DMD: variants seen among roughly 807,000 people sequenced by gnomAD.
DMD encodes the protein dystrophin, also known as mutant dystrophin.
A neutral mutation model predicts 330.1 loss-of-function variants in DMD; 63 were observed. The observed-to-expected ratio is 0.19, with a 90% CI of 0.16 to 0.24. The LOEUF is 0.24. Among genes scored for constraint, DMD ranks in the 10% least tolerant of loss-of-function variants. The pLI, the probability that DMD is intolerant of heterozygous loss-of-function variation, is 1.00. For synonymous variants in DMD, 1,223 were observed against 959.8 expected, an observed-to-expected ratio of 1.27 and a Z score of -5.07; for missense variants, 3,344 against 2,684.1, an observed-to-expected ratio of 1.25 and a Z score of -5.43.
intron 24 of DMD, among the ~76,000 whole-genome samples, 155 bp downstream of exon 24, chrX:32,464,431 C>A (rs186698757): frequency 4.7e-4 from 52 of 110,454 alleles, no homozygotes; most frequent in African/African-American, 1.5e-3. Context: ...CCACCACCCC[C>A]AACCCAGCTG....
chrX:32,394,903 A>C (rs1249280584), intron 30 of DMD, among the ~76,000 whole-genome samples: 4 of 36,572 alleles, frequency 1.1e-4, no homozygotes, highest in Non-Finnish European at 2.0e-4. Flanking sequence ...AAGAAGAGCA[A>C]AAAACAAAAA....
At chrX:32,768,658 C>T (rs190601898) in intron 7 of DMD, among the ~76,000 whole-genome samples, 7 of 111,256 alleles carry the variant, frequency 6.3e-5, no homozygotes, top group Admixed American at 3.8e-4. Flanking sequence ...AATTATAATC[C>T]CACTGGGACC....
intron 43 of DMD, among the ~76,000 whole-genome samples, chrX:32,219,398 T>G (rs2147883635): frequency 8.9e-6 from 1 of 112,490 alleles, no homozygotes; most frequent in Non-Finnish European, 1.9e-5. Context: ...TCTAAAAATC[T>G]ATGCAACATA....
At chrX:33,200,845 C>T (rs773672637) in intron 1 of DMD, among the ~76,000 whole-genome samples, 2 of 107,325 alleles carry the variant, frequency 1.9e-5, no homozygotes, top group East Asian at 5.9e-4. Context: ...TTATATTATC[C>T]TGATAGTTTT....
At chrX:31,282,842 T>C (rs908477920) in intron 62 of DMD, among the ~76,000 whole-genome samples, 1 of 112,040 alleles carries the variant, frequency 8.9e-6, no homozygotes, top group Non-Finnish European at 1.9e-5. Context: ...AATAAGGTGT[T>C]CTTTGAACCA....
intron 2 of DMD, among the ~76,000 whole-genome samples, chrX:32,923,689 T>C (rs1290785339): frequency 1.8e-5 from 2 of 112,283 alleles, no homozygotes; most frequent in Non-Finnish European, 3.8e-5. Context: ...AAAAACTTTC[T>C]GTGTAGTGGT....
At chrX:32,134,335 C>A (rs16990122) in intron 44 of DMD, among the ~76,000 whole-genome samples, 14,056 of 110,809 alleles carry the variant, frequency 0.13, 1,916 homozygotes, top group African/African-American at 0.4. Context: ...ATGCTAAGTC[C>A]AGAACTTTCA....
At chrX:31,473,556 C>T (rs2067481333) in intron 59 of DMD, among the ~76,000 whole-genome samples, 1 of 106,160 alleles carries the variant, frequency 9.4e-6, no homozygotes, top group South Asian at 4.3e-4. Flanking sequence ...CCCGTCTCTA[C>T]TAAAATTACA....
Position 31,625,710 on chromosome X carries a change from A to G in DMD, c.8217+1963T>C, listed in dbSNP as rs1315606562. ...TCCCTTTAATGATTCAGAAGCTTGC[A>G]GTTTCTTGAGATTAGAAATAGAGAT... On this transcript the variant is annotated intron_variant, in intron 55 of 78. Transcript: ENST00000357033. Among the ~76,000 whole-genome samples the G allele has an allele frequency of 8.1e-5, 9 of 111,744 alleles. No homozygotes were observed. The Admixed American group carries it at 8.6e-4, about 11-fold the overall frequency.
At chrX:32,541,580 A>G (rs2048485086) in intron 17 of DMD, among the ~76,000 whole-genome samples, 1 of 112,130 alleles carries the variant, frequency 8.9e-6, no homozygotes, top group African/African-American at 3.2e-5. Context: ...GTTCTTACCT[A>G]TAAGTGAGAG....
chrX:31,192,412 G>C (rs761687998), intron 67 of DMD, among the ~76,000 whole-genome samples: 3 of 111,994 alleles, frequency 2.7e-5, no homozygotes, highest in Non-Finnish European at 5.6e-5. Flanking sequence ...GTACACAATG[G>C]TTTTTCACAT....
At chrX:31,744,803 G>T (rs950147635) in intron 51 of DMD, among the ~76,000 whole-genome samples, 1 of 112,056 alleles carries the variant, frequency 8.9e-6, no homozygotes, top group Non-Finnish European at 1.9e-5. Context: ...TTAAGCTTTG[G>T]TCAATCAAAG....
At chrX:33,003,487 A>G (rs1192013726) in intron 2 of DMD, among the ~76,000 whole-genome samples, 1 of 112,052 alleles carries the variant, frequency 8.9e-6, no homozygotes, top group Non-Finnish European at 1.9e-5. Context: ...TAGCTTACCT[A>G]TAACAAAGTG....
intron 12 of DMD, among the ~76,000 whole-genome samples, chrX:32,609,245 C>A (rs1367948206): frequency 2.7e-5 from 3 of 110,610 alleles, no homozygotes; most frequent in African/African-American, 9.8e-5. Flanking sequence ...TGTTTTCCGG[C>A]CTCCTGTTTC....
chrX:31,869,112 T>C (rs1475642813), intron 48 of DMD, among the ~76,000 whole-genome samples: 1 of 111,863 alleles, frequency 8.9e-6, no homozygotes, highest in Non-Finnish European at 1.9e-5. Flanking sequence ...TATCGTTAAC[T>C]ATAGGCACTA....
chrX:32,688,453 T>C (rs73621819), intron 9 of DMD, among the ~76,000 whole-genome samples: 1,376 of 112,310 alleles, frequency 0.012, 24 homozygotes, highest in African/African-American at 0.042. Context: ...TTTATAAATA[T>C]AATGCAAAAT....
rs6631595 is a variant in DMD at position 32,502,405 on chromosome X, T to C, written c.2293-563A>G. 6.1e-3 allele frequency among the ~76,000 whole-genome samples: 686 copies of C among 111,829 alleles called. 11 individuals are homozygous for C. Among genetic ancestry groups the C allele is most frequent in the African/African-American group, 0.02 (616 of 30,886 alleles). On this transcript the variant is annotated intron_variant, in intron 18 of 78. Coordinates refer to ENST00000357033, the MANE Select transcript of DMD (RefSeq NM_004006.3). Reference sequence around the variant, plus strand: ...ACTCCTATTTCCAAGGAAGACAAGATTGAGTTTCAAAAAACTTTCTGAATT... The same window carrying C: ...ACTCCTATTTCCAAGGAAGACAAGACTGAGTTTCAAAAAACTTTCTGAATT...
rs149275673 is a variant in DMD, at chrX:33,095,780, T to C, written c.32-75580A>G. On this transcript the variant is annotated intron_variant, in intron 1 of 78. Coordinates refer to ENST00000357033, the MANE Select transcript of DMD (RefSeq NM_004006.3). ...TCTGCATTGAATGTTTTCTAAGCCA[T>C]CTCAAAATGCATACAAATTGTTAGA... Among the ~76,000 whole-genome samples the C allele has an allele frequency of 7.5e-3, 826 of 110,675 alleles. 8 individuals carry two copies. The highest frequency in any genetic ancestry group is 0.025 in the African/African-American group (762 of 30,457).
At chrX:33,033,374 G>T (rs2094147460) in intron 1 of DMD, among the ~76,000 whole-genome samples, 1 of 107,588 alleles carries the variant, frequency 9.3e-6, no homozygotes, top group Admixed American at 9.9e-5. Flanking sequence ...TATCTTGATT[G>T]ACTAATCATT....
Sources: gnomAD v4.1 joint callset for allele counts (sites outside exome capture counted in the v4.1 genomes callset) on GRCh38, gnomAD v4.1.1 for gene constraint, MANE v1.5 for transcripts, NCBI Gene and HGNC (gene_info 2026-07-23, HGNC 2026-07-21) for gene names.